The following SHB variants were observed in gnomAD, a reference collection of about 807,000 sequenced individuals.
SHB encodes the protein SH2 domain containing adaptor protein B.
A neutral mutation model predicts 52.3 loss-of-function variants in SHB; 20 were observed. The ratio of observed to expected loss-of-function variants is 0.38; its 90% CI spans 0.27 to 0.56. SHB has a LOEUF of 0.56. Among genes scored for constraint, SHB ranks in the 20% least tolerant of loss-of-function variants. The pLI is 0.71. For missense variants in SHB, 825 were observed against 723.3 expected, an observed-to-expected ratio of 1.14 and a Z score of -1.61; for synonymous variants, 397 against 316.5, an observed-to-expected ratio of 1.25 and a Z score of -2.70.
chr9:38,014,729 G>A (rs1821188490), intron 2 of SHB, among the ~76,000 whole-genome samples: 2 of 152,186 alleles, frequency 1.3e-5, no homozygotes, highest in South Asian at 4.1e-4. Context: ...GGCCACACTG[G>A]TGGTCAGAGA....
intron 1 of SHB, among the ~76,000 whole-genome samples, chr9:38,039,995 C>T (rs1821553206): frequency 1.3e-5 from 2 of 152,244 alleles, no homozygotes; most frequent in South Asian, 2.1e-4. Context: ...AGAGCTGCGC[C>T]CCAGGCGTGT....
At chr9:38,060,623 C>A (rs1226288313) in intron 1 of SHB, among the ~76,000 whole-genome samples, 2 of 152,180 alleles carry the variant, frequency 1.3e-5, no homozygotes, top group Non-Finnish European at 2.9e-5. Flanking sequence ...CAGAACTGCA[C>A]CTAGCTCAGA....
intron 1 of SHB, among the ~76,000 whole-genome samples, chr9:38,052,006 C>G (rs1821757247): frequency 6.6e-6 from 1 of 152,208 alleles, no homozygotes; most frequent in Admixed American, 6.5e-5. Flanking sequence ...CCCTGGTTTT[C>G]CCTTTCCCTT....
intron 1 of SHB, among the ~76,000 whole-genome samples, chr9:38,040,287 T>G (rs1821557568): frequency 6.6e-6 from 1 of 152,186 alleles, no homozygotes. Context: ...TGGGCAAGTC[T>G]TGGCTGCCTC....
chr9:37,983,763 G>A (rs1458770884), intron 2 of SHB, among the ~76,000 whole-genome samples: 1 of 152,236 alleles, frequency 6.6e-6, no homozygotes, highest in Non-Finnish European at 1.5e-5. Flanking sequence ...AGCCACCGGG[G>A]ATCCGTGCCC....
At chr9:38,051,448 A>T (rs1045555674) in intron 1 of SHB, among the ~76,000 whole-genome samples, 145 of 151,894 alleles carry the variant, frequency 9.5e-4, no homozygotes, top group Non-Finnish European at 1.7e-3. Flanking sequence ...TCTAAAAAAA[A>T]AAAAAAAAAA....
intron 1 of SHB, among the ~76,000 whole-genome samples, chr9:38,061,189 A>G (rs1040545284): frequency 2.0e-5 from 3 of 151,894 alleles, no homozygotes; most frequent in East Asian, 1.9e-4. Flanking sequence ...GCGTGTGACT[A>G]TAGTCCCAGC....
In SHB at chr9:37,916,968, T is replaced by C. The variant is rs961421967; in HGVS notation, c.*2853A>G. ...AAAATGCCGAGGGCGCGACGTTGTG[T>C]GGCAGGAGCTTTTCTTTTCTCTCAA... On this transcript the variant is annotated 3_prime_UTR_variant, in exon 6 of 6. Transcript: ENST00000377707. Among the ~76,000 whole-genome samples the C allele has an allele frequency of 2.0e-5, 3 of 151,528 alleles. No homozygotes were observed. The highest frequency in any genetic ancestry group is 4.4e-5 in the Non-Finnish European group (3 of 67,928).
At chr9:37,955,795 T>C (rs1587210728) in intron 4 of SHB, 88 bp downstream of exon 4, 1 of 1,337,556 alleles carries the variant, frequency 7.5e-7, no homozygotes, top group Non-Finnish European at 1.0e-6. Flanking sequence ...GCCCAGTCTG[T>C]GGATTTTTAA....
intron 1 of SHB, among the ~76,000 whole-genome samples, chr9:38,031,784 A>G (rs1821419094): frequency 6.6e-6 from 1 of 152,184 alleles, no homozygotes; most frequent in Non-Finnish European, 1.5e-5. Flanking sequence ...CTCCTTCCAA[A>G]TGCAAAGTCA....
intron 5 of SHB, among the ~76,000 whole-genome samples, chr9:37,938,546 C>T (rs1832401060): frequency 1.3e-5 from 2 of 152,208 alleles, no homozygotes; most frequent in South Asian, 2.1e-4. Flanking sequence ...AGGCAACTGT[C>T]CCGGGGCACG....
intron 5 of SHB, among the ~76,000 whole-genome samples, chr9:37,940,184 C>T (rs887616310): frequency 1.3e-5 from 2 of 152,174 alleles, no homozygotes; most frequent in African/African-American, 4.8e-5. Flanking sequence ...ACCAGAATCA[C>T]CAAAGCACCA....
chr9:37,986,741 T>C (rs1214157890), intron 2 of SHB, among the ~76,000 whole-genome samples: 3 of 152,112 alleles, frequency 2.0e-5, no homozygotes, highest in Non-Finnish European at 2.9e-5. Flanking sequence ...CTAGCACGGG[T>C]GGCATCAGCA....
chr9:37,952,796 C>T (rs377432165), intron 4 of SHB, among the ~76,000 whole-genome samples: 9 of 151,934 alleles, frequency 5.9e-5, no homozygotes, highest in East Asian at 5.8e-4. Flanking sequence ...TATGGAGGTG[C>T]GGAAGCTGGG....
At chr9:38,046,540 G>A (rs1236363825) in intron 1 of SHB, among the ~76,000 whole-genome samples, 1 of 152,228 alleles carries the variant, frequency 6.6e-6, no homozygotes, top group Non-Finnish European at 1.5e-5. Flanking sequence ...ATCTTGGGTG[G>A]TCAATCTTCC....
At chr9:38,048,874 G>A (rs1821696398) in intron 1 of SHB, among the ~76,000 whole-genome samples, 1 of 152,148 alleles carries the variant, frequency 6.6e-6, no homozygotes, top group African/African-American at 2.4e-5. Context: ...GGTTCCCAGG[G>A]TAACAACTTT....
intron 1 of SHB, among the ~76,000 whole-genome samples, chr9:38,060,073 G>A (rs1821873208): frequency 6.6e-6 from 1 of 152,138 alleles, no homozygotes; most frequent in African/African-American, 2.4e-5. Flanking sequence ...TTCAGGCATG[G>A]GATTGTGCAG....
At chr9:37,965,521 C>T (rs1206874824) in intron 3 of SHB, among the ~76,000 whole-genome samples, 1 of 152,050 alleles carries the variant, frequency 6.6e-6, no homozygotes, top group Non-Finnish European at 1.5e-5. Context: ...TGGTATTCTA[C>T]TGCTCCTAAG....
At chr9:37,967,530 T>C (rs1820540728) in intron 3 of SHB, among the ~76,000 whole-genome samples, 1 of 152,058 alleles carries the variant, frequency 6.6e-6, no homozygotes, top group Non-Finnish European at 1.5e-5. Context: ...AAGGAACCGG[T>C]TGTGTCAGGG....
Sources: allele counts gnomAD v4.1 joint callset (sites outside exome capture counted in the v4.1 genomes callset), GRCh38; gene constraint gnomAD v4.1.1; transcripts MANE v1.5; gene names NCBI Gene and HGNC (gene_info 2026-07-23, HGNC 2026-07-21).